Variants in HAUS6 observed in about 807,000 individuals in gnomAD.
HAUS6 encodes the protein HAUS augmin like complex subunit 6.
Under a neutral mutation model 106.8 loss-of-function variants are expected in HAUS6, and 80 were observed. That is an observed-to-expected ratio of 0.75 (90% confidence interval 0.63 to 0.90). The LOEUF (loss-of-function observed/expected upper bound fraction) is 0.90. Among genes scored for constraint, HAUS6 ranks in the 40% least tolerant of loss-of-function variants. The pLI, the probability that HAUS6 is intolerant of heterozygous loss-of-function variation, is 0.00. For synonymous variants in HAUS6, 356 were observed against 379.1 expected (o/e 0.94, Z 0.71); for missense variants, 1,155 against 1,118.1 (o/e 1.03, Z -0.47).
Position 19,096,667 on chromosome 9 carries a change from T to A in HAUS6, c.224+7A>T. 8.0e-7 allele frequency: 1 copy of A among 1,250,810 alleles called. No homozygotes were observed. The highest frequency in any genetic ancestry group is 1.1e-6 in the Non-Finnish European group (1 of 882,542). 77.5% of individuals were successfully genotyped at this position (1,250,810 alleles called of 1,614,324 possible). ...AAATTTAAGAAAATGAAATTATTTTTCCTTACTTGAAAACTTCTTTGGTGA... is the reference window on the plus strand; with the variant it reads ...AAATTTAAGAAAATGAAATTATTTTACCTTACTTGAAAACTTCTTTGGTGA... On this transcript the variant is annotated splice_region_variant and intron_variant, in intron 2 of 16. Transcript: ENST00000380502.
At chr9:19,059,874 AT>A (rs935659297) in intron 15 of HAUS6, among the ~76,000 whole-genome samples, 83 of 152,346 alleles carry the variant, frequency 5.4e-4, no homozygotes, top group Admixed American at 1.2e-3. Flanking sequence ...ATTGTACATT[AT>A]CAAAATTTTA....
chr9:19,079,315 T>A (rs533357175), intron 9 of HAUS6, among the ~76,000 whole-genome samples: 1 of 150,492 alleles, frequency 6.6e-6, no homozygotes, highest in Non-Finnish European at 1.5e-5. Context: ...CACTGCAACC[T>A]CTGCCTCCCA....
At chr9:19,061,045 T>C (rs1339114724) in intron 14 of HAUS6, among the ~76,000 whole-genome samples, 1 of 152,196 alleles carries the variant, frequency 6.6e-6, no homozygotes, top group Non-Finnish European at 1.5e-5. Context: ...ATGCCTGTAA[T>C]TCCAGCTACT....
intron 11 of HAUS6, among the ~76,000 whole-genome samples, chr9:19,072,396 C>T (rs950789439): frequency 6.6e-6 from 1 of 151,898 alleles, no homozygotes; most frequent in Non-Finnish European, 1.5e-5. Flanking sequence ...GCCAGGAATC[C>T]CAGCTACATG....
chr9:19,070,790 A>C (rs1361440753), intron 11 of HAUS6, among the ~76,000 whole-genome samples: 4 of 152,248 alleles, frequency 2.6e-5, no homozygotes, highest in Admixed American at 2.0e-4. Flanking sequence ...CAGTCTAGGA[A>C]AGGATAGTGA....
At chr9:19,091,669 T>C (rs1420177472) in intron 4 of HAUS6, among the ~76,000 whole-genome samples, 2 of 151,780 alleles carry the variant, frequency 1.3e-5, no homozygotes, top group South Asian at 2.1e-4. Flanking sequence ...TAAAAAAAAA[T>C]AAAACTTTTT....
chr9:19,098,538 T>A (rs1817911684), intron 1 of HAUS6, among the ~76,000 whole-genome samples: 1 of 152,088 alleles, frequency 6.6e-6, no homozygotes, highest in Non-Finnish European at 1.5e-5. Flanking sequence ...ATTTGTTGAA[T>A]GAACAAATAA....
chr9:19,060,103 T>C lies in HAUS6; in HGVS notation c.1750A>G (p.Thr584Ala), dbSNP rs977749209. The change falls in exon 15 of 17, where the codon ACT becomes GCT. Residue 584 changes from threonine (T) to alanine (A), a missense_variant. Around this residue, in one of 3 missense-constraint regions of HAUS6, gnomAD observed 761 missense variants for 690.0 expected, o/e 1.10. Coordinates refer to ENST00000380502, the MANE Select transcript of HAUS6 (RefSeq NM_017645.5). The part of the protein sequence containing the change: ...PFLTRNQIPR[T>A]PENLITEIRS... Reference sequence around the variant, plus strand: ...ATTAACTTACTCAAGTTTTCTGGAGTACGGGGAATCTGATTCCTTGTTAAG... The same window carrying C: ...ATTAACTTACTCAAGTTTTCTGGAGCACGGGGAATCTGATTCCTTGTTAAG... 6.2e-7 allele frequency: 1 copy of C among 1,606,984 alleles called. No homozygotes were observed. The highest frequency in any genetic ancestry group is 8.5e-7 in the Non-Finnish European group (1 of 1,176,694).
intron 8 of HAUS6, among the ~76,000 whole-genome samples, chr9:19,081,721 G>T (rs1462004659): frequency 1.3e-5 from 2 of 152,096 alleles, no homozygotes; most frequent in Non-Finnish European, 2.9e-5. Flanking sequence ...TTATAGGTGT[G>T]AGCCACCATA....
rs377097188 is a variant in HAUS6 at position 19,094,436 on chromosome 9, A to G, written c.225-41T>C. The G allele has an allele frequency of 6.6e-5, 74 of 1,117,700 alleles. No homozygotes were observed. In the African/African-American group the frequency reaches 1.0e-3, roughly 15 times the overall value. 69.2% of individuals were successfully genotyped at this position (1,117,700 alleles called of 1,614,324 possible). A position where few individuals can be genotyped will look rare whatever the true frequency, so the allele number is the denominator to read the frequency against. On this transcript the variant is annotated intron_variant, in intron 2 of 16. Coordinates refer to ENST00000380502, the MANE Select transcript of HAUS6 (RefSeq NM_017645.5). ...AAAAGCGTAAGGACTATGCACAACA[A>G]TAGCCAAAAAAAAAAGCCTCAGCAA...
intron 11 of HAUS6, among the ~76,000 whole-genome samples, chr9:19,073,119 C>A (rs886308575): frequency 6.6e-6 from 1 of 151,874 alleles, no homozygotes; most frequent in Admixed American, 6.6e-5. Flanking sequence ...ATAGTGATTA[C>A]CTCTGTGAAA....
chr9:19,089,115 C>A (rs552115111), intron 5 of HAUS6, among the ~76,000 whole-genome samples: 1 of 152,116 alleles, frequency 6.6e-6, no homozygotes, highest in East Asian at 1.9e-4. Context: ...TGGTGGCCTG[C>A]GCCAATAATC....
chr9:19,071,363 AG>A, intron 11 of HAUS6, among the ~76,000 whole-genome samples: 1 of 152,306 alleles, frequency 6.6e-6, no homozygotes, highest in South Asian at 2.1e-4. Context: ...CAGAATTAGA[AG>A]TCCCAACAAT....
At chr9:19,081,684 C>G (rs1837154627) in intron 8 of HAUS6, among the ~76,000 whole-genome samples, 1 of 152,120 alleles carries the variant, frequency 6.6e-6, no homozygotes. Context: ...AGTGATCTAC[C>G]CTCCTCAGCT....
chr9:19,082,819 T>C (rs1354315717), intron 8 of HAUS6, 54 bp downstream of exon 8: 1 of 868,438 alleles, frequency 1.2e-6, no homozygotes, highest in Non-Finnish European at 1.7e-6. Context: ...CAAGAAAATA[T>C]ACAATTACAT....
At chr9:19,067,127 C>A (rs1323986727) in intron 12 of HAUS6, among the ~76,000 whole-genome samples, 1 of 152,058 alleles carries the variant, frequency 6.6e-6, no homozygotes, top group Non-Finnish European at 1.5e-5. Flanking sequence ...TCTTTCCATG[C>A]TTTTTTAGTT....
At chr9:19,067,049 A>G (rs1268814401) in intron 12 of HAUS6, among the ~76,000 whole-genome samples, 1 of 151,792 alleles carries the variant, frequency 6.6e-6, no homozygotes, top group Non-Finnish European at 1.5e-5. Context: ...AAAAGACTAC[A>G]TATCTTTTGG....
chr9:19,078,367 G>T, intron 9 of HAUS6, 65 bp from the exon 10 acceptor site: 1 of 914,594 alleles, frequency 1.1e-6, no homozygotes, highest in Non-Finnish European at 1.7e-6. Flanking sequence ...TAAAATTTAA[G>T]AAAATAACAA....
chr9:19,067,285 C>T (rs532797831), intron 12 of HAUS6, among the ~76,000 whole-genome samples: 12 of 152,292 alleles, frequency 7.9e-5, no homozygotes, highest in Non-Finnish European at 1.6e-4. Context: ...TACAGTCCAC[C>T]TATGTTACAT....
Sources: gnomAD v4.1 joint callset for allele counts (sites outside exome capture counted in the v4.1 genomes callset) on GRCh38, gnomAD v4.1.1 for gene constraint, gnomAD v4.1.1 regional missense constraint, MANE v1.5 for transcripts, NCBI Gene and HGNC (gene_info 2026-07-23, HGNC 2026-07-21) for gene names.